Variants in CRPPA observed in about 807,000 individuals in gnomAD.
The protein encoded by CRPPA is D-ribitol-5-phosphate cytidylyltransferase.
A neutral mutation model predicts 52.0 loss-of-function variants in CRPPA; 43 were observed. That is an observed-to-expected ratio of 0.83 (90% confidence interval 0.65 to 1.07). CRPPA has a LOEUF of 1.07. CRPPA is among the 50% of genes least tolerant of loss of function. The probability of loss-of-function intolerance (pLI) is 0.00; values close to 1 mark genes in which losing one functional copy is unlikely to be tolerated. For missense variants in CRPPA, 629 were observed against 551.7 expected (o/e 1.14, Z -1.40); for synonymous variants, 250 against 203.5 (o/e 1.23, Z -1.94).
intron 8 of CRPPA, among the ~76,000 whole-genome samples, chr7:16,249,495 G>C (rs542369112): frequency 6.6e-6 from 1 of 152,276 alleles, no homozygotes; most frequent in East Asian, 1.9e-4. Context: ...CTGGCATCTG[G>C]TGGGTGCCCC....
chr7:16,361,181 G>A (rs564406823), intron 3 of CRPPA, among the ~76,000 whole-genome samples: 1 of 152,162 alleles, frequency 6.6e-6, no homozygotes, highest in East Asian at 1.9e-4. Context: ...ATCCCCATTA[G>A]GACAATTACT....
In CRPPA at chr7:16,327,369, G is replaced by T. The variant is rs1785425574; in HGVS notation, c.685-18742C>A. Among the ~76,000 whole-genome samples the T allele has an allele frequency of 1.3e-5, 2 of 151,418 alleles. 1 individual carries two copies. The highest frequency in any genetic ancestry group is 3.9e-4 in the East Asian group (2 of 5,126). ...GCACTTTGGGAGGCCGAGGCGGGTG[G>T]ATCATGAGGTCAGGAGATCGAGACC... On this transcript the variant is annotated intron_variant, in intron 3 of 9. Transcript: ENST00000407010.
At chr7:16,221,324 C>A (rs1346697437) in intron 8 of CRPPA, among the ~76,000 whole-genome samples, 1 of 152,114 alleles carries the variant, frequency 6.6e-6, no homozygotes, top group Non-Finnish European at 1.5e-5. Flanking sequence ...AAACGTTAGA[C>A]CTAAAACCAT....
At chr7:16,347,926 A>G (rs1297640859) in intron 3 of CRPPA, among the ~76,000 whole-genome samples, 2 of 152,070 alleles carry the variant, frequency 1.3e-5, no homozygotes, top group Non-Finnish European at 2.9e-5. Flanking sequence ...AGGAAAAAAA[A>G]TGGTGGTTTT....
At chr7:16,152,424 T>A (rs530798676) in intron 9 of CRPPA, among the ~76,000 whole-genome samples, 1 of 152,038 alleles carries the variant, frequency 6.6e-6, no homozygotes, top group East Asian at 1.9e-4. Context: ...TACCCCCCAG[T>A]GAGGGTATAA....
intron 3 of CRPPA, among the ~76,000 whole-genome samples, chr7:16,337,124 G>A (rs1302039044): frequency 6.6e-6 from 1 of 152,012 alleles, no homozygotes; most frequent in Non-Finnish European, 1.5e-5. Context: ...TAGATCAAAT[G>A]GACATAATGG....
chr7:16,263,146 A>T (rs756244000), intron 6 of CRPPA, among the ~76,000 whole-genome samples: 4 of 152,222 alleles, frequency 2.6e-5, no homozygotes, highest in Non-Finnish European at 5.9e-5. Context: ...CATTAAAAAC[A>T]TGTAACTTTA....
intron 2 of CRPPA, among the ~76,000 whole-genome samples, chr7:16,402,969 C>T (rs1248952919): frequency 1.3e-5 from 2 of 152,084 alleles, no homozygotes; most frequent in Non-Finnish European, 2.9e-5. Context: ...AAAGTCTATA[C>T]AGACACATCA....
chr7:16,097,506 A>G (rs1781959240), intron 9 of CRPPA, among the ~76,000 whole-genome samples: 1 of 152,176 alleles, frequency 6.6e-6, no homozygotes, highest in African/African-American at 2.4e-5. Context: ...TTTGGGTGAA[A>G]GATGCACAAA....
At chr7:16,142,680 A>T (rs1359189791) in intron 9 of CRPPA, among the ~76,000 whole-genome samples, 3 of 152,194 alleles carry the variant, frequency 2.0e-5, no homozygotes, top group Non-Finnish European at 2.9e-5. Flanking sequence ...TGCAACACCT[A>T]AACTGTAGTA....
At chr7:16,311,364 G>A (rs939048133) in intron 3 of CRPPA, among the ~76,000 whole-genome samples, 13 of 152,008 alleles carry the variant, frequency 8.6e-5, no homozygotes, top group Non-Finnish European at 1.5e-4. Flanking sequence ...ACAACCCCTT[G>A]CAACCACTCA....
intron 9 of CRPPA, among the ~76,000 whole-genome samples, chr7:16,112,974 T>C (rs1224898962): frequency 1.3e-5 from 2 of 151,950 alleles, no homozygotes; most frequent in South Asian, 2.1e-4. Context: ...AACAGACCCA[T>C]TAGCATCAAA....
chr7:16,318,567 C>T (rs1785195094), intron 3 of CRPPA, among the ~76,000 whole-genome samples: 1 of 152,162 alleles, frequency 6.6e-6, no homozygotes, highest in African/African-American at 2.4e-5. Context: ...CTCACTCACA[C>T]AGTTGTATCA....
At chr7:16,414,073 G>C (rs1583590978) in intron 1 of CRPPA, among the ~76,000 whole-genome samples, 1 of 152,048 alleles carries the variant, frequency 6.6e-6, no homozygotes, top group East Asian at 1.9e-4. Context: ...TATAGGGGAG[G>C]CCGAGTTATA....
chr7:16,093,400 C>T (rs1160068971), intron 9 of CRPPA, among the ~76,000 whole-genome samples: 1 of 152,090 alleles, frequency 6.6e-6, no homozygotes, highest in South Asian at 2.1e-4. Flanking sequence ...ATTATTGAAG[C>T]CTCACCACAA....
At chr7:16,375,866 A>C (rs1026711021) in intron 3 of CRPPA, among the ~76,000 whole-genome samples, 7 of 152,078 alleles carry the variant, frequency 4.6e-5, no homozygotes, top group Non-Finnish European at 8.8e-5. Context: ...CCTTCAGGAG[A>C]GGGAGGGAAA....
intron 5 of CRPPA, among the ~76,000 whole-genome samples, chr7:16,301,062 A>G (rs1784780827): frequency 6.6e-6 from 1 of 152,232 alleles, no homozygotes; most frequent in South Asian, 2.1e-4. Context: ...ATGTACCGAC[A>G]CGACACTGTT....
intron 6 of CRPPA, among the ~76,000 whole-genome samples, chr7:16,273,283 A>C (rs1262034789): frequency 6.6e-6 from 1 of 151,918 alleles, no homozygotes; most frequent in Non-Finnish European, 1.5e-5. Context: ...TTTCCCACTC[A>C]AATGCTGCTT....
intron 8 of CRPPA, among the ~76,000 whole-genome samples, chr7:16,246,344 C>T (rs1273692197): frequency 6.6e-6 from 1 of 152,164 alleles, no homozygotes; most frequent in Non-Finnish European, 1.5e-5. Context: ...TACTTCTATT[C>T]TCTTGCTATT....
Sources: allele counts gnomAD v4.1 joint callset (sites outside exome capture counted in the v4.1 genomes callset), GRCh38; gene constraint gnomAD v4.1.1; transcripts MANE v1.5; gene names NCBI Gene and HGNC (gene_info 2026-07-23, HGNC 2026-07-21).